The following ZNF732 variants were observed in gnomAD, a reference collection of about 807,000 sequenced individuals.
ZNF732 encodes the protein zinc finger protein LOC654254.
In ZNF732, 12 loss-of-function variants were observed where a neutral mutation model predicts 11.5. The ratio of observed to expected loss-of-function variants is 1.05; its 90% confidence interval spans 0.67 to 1.70. ZNF732 has a LOEUF of 1.70. Ranked by LOEUF, ZNF732 falls within the 40% of genes most tolerant of loss-of-function variation. ZNF732 has a pLI of 0.00. For synonymous variants in ZNF732, 231 were observed against 236.5 expected (o/e 0.98, Z 0.21); for missense variants, 702 against 676.9 (o/e 1.04, Z -0.41).
In ZNF732 at chr4:271,558, C is replaced by G. The variant is rs577455458; in HGVS notation, c.1299G>C (p.Leu433=). 2 of 1,611,552 alleles carry G rather than the reference C, an allele frequency of 1.2e-6. No individual in the cohort carries two copies. The highest frequency in any genetic ancestry group is 2.2e-5 in the South Asian group (2 of 90,426). Residue 433 remains leucine (L), a synonymous_variant, in exon 4 of 4, where the codon CTG becomes CTC. Transcript: ENST00000419098. ...CAGTATGAATTATCTTATGTTTATT[C>G]AGGTCTGTGGACCATCCAAAGGCTT... The part of the protein sequence containing the change: ...CGKAFGWSTD[L]NKHKIIHTGE...
At chr4:287,485 GA>G (rs1553840753) in intron 3 of ZNF732, among the ~76,000 whole-genome samples, 1 of 151,912 alleles carries the variant, frequency 6.6e-6, no homozygotes, top group East Asian at 1.9e-4. Flanking sequence ...AAAGTGCTAG[GA>G]TTACAGGCGT....
intron 3 of ZNF732, among the ~76,000 whole-genome samples, chr4:282,946 C>T (rs1719646743): frequency 1.3e-5 from 2 of 152,106 alleles, no homozygotes; most frequent in African/African-American, 4.8e-5. Context: ...AAGTTCTTAT[C>T]AATCAGTAAT....
intron 1 of ZNF732, among the ~76,000 whole-genome samples, chr4:303,697 G>C (rs1173585427): frequency 3.9e-5 from 6 of 152,210 alleles, no homozygotes; most frequent in African/African-American, 1.2e-4. Context: ...TCATTCTAAA[G>C]AGAGACCATT....
At chr4:280,243 C>CT (rs1332962255) in intron 3 of ZNF732, among the ~76,000 whole-genome samples, 4 of 143,106 alleles carry the variant, frequency 2.8e-5, no homozygotes, top group Non-Finnish European at 6.1e-5. Flanking sequence ...TGACTATGTA[C>CT]TTATGAAGAT....
chr4:280,110 GA>G (rs1195160507), intron 3 of ZNF732, among the ~76,000 whole-genome samples: 23 of 151,726 alleles, frequency 1.5e-4, no homozygotes, highest in African/African-American at 5.6e-4. Flanking sequence ...GAACCTACAT[GA>G]AAAAAGACTC....
rs1332495572 is a variant in ZNF732, at chr4:277,144, C to CA, written c.227-4515dup. 6.6e-5 allele frequency among the ~76,000 whole-genome samples: 10 copies of CA among 152,072 alleles called. No homozygotes were observed. The South Asian group carries it at 1.9e-3, about 28-fold the overall frequency. Reference sequence around the variant, plus strand: ...CCTACCTCTTACAATATAAAAAACTCAATCACAAATACAGATTTAAATGGG... The same window carrying CA: ...CCTACCTCTTACAATATAAAAAACTCAAATCACAAATACAGATTTAAATGGG... On this transcript the variant is annotated intron_variant, in intron 3 of 3. Transcript: ENST00000419098.
intron 3 of ZNF732, among the ~76,000 whole-genome samples, chr4:292,558 A>C (rs1221702996): frequency 1.3e-5 from 1 of 76,242 alleles, no homozygotes; most frequent in Non-Finnish European, 2.5e-5. Flanking sequence ...ACTCTGTCTC[A>C]AAAAAAAAAA....
At position 272,591 on chromosome 4, in the gene ZNF732, T is replaced by C. The variant is rs1553838040; in HGVS notation, c.266A>G (p.Gln89Arg). Reference protein sequence around the residue: ...SHFTQDFLPVQGIEDSFHKLI... With the variant: ...SHFTQDFLPVRGIEDSFHKLI... ...TTTGTGGAACGAATCTTCTATCCCC[T>C]GCACTGGCAAAAAGTCTTGGGTGAA... The change falls in exon 4 of 4, where the codon CAG (glutamine) becomes CGG (arginine). Residue 89 changes from glutamine to arginine, a missense_variant. Physicochemically the swap from Gln to Arg is conservative, Grantham distance 43. Transcript: ENST00000419098. 6 of 1,553,394 alleles carry C rather than the reference T, an allele frequency of 3.9e-6. No individual in the cohort carries two copies. The highest frequency in any genetic ancestry group is 4.3e-6 in the Non-Finnish European group (5 of 1,154,686).
intron 3 of ZNF732, among the ~76,000 whole-genome samples, chr4:288,560 T>C (rs1369810244): frequency 1.3e-5 from 2 of 152,180 alleles, no homozygotes; most frequent in Non-Finnish European, 2.9e-5. Context: ...ATATACATGA[T>C]GGTTAGTTTT....
At chr4:290,314 C>T (rs1719817722) in intron 3 of ZNF732, among the ~76,000 whole-genome samples, 1 of 152,202 alleles carries the variant, frequency 6.6e-6, no homozygotes, top group Non-Finnish European at 1.5e-5. Context: ...AGAGTTTGGT[C>T]TTACTGAGGA....
intron 3 of ZNF732, among the ~76,000 whole-genome samples, chr4:279,910 T>C (rs1719582335): frequency 6.6e-6 from 1 of 152,160 alleles, no homozygotes; most frequent in Admixed American, 6.5e-5. Context: ...GGGGCATTAT[T>C]TACACAGGCA....
rs17775145 is a variant in ZNF732 at position 270,769 on chromosome 4, G to A, written c.*330C>T. 26,812 of 493,754 alleles carry A rather than the reference G, an allele frequency of 0.054. 1,063 individuals are homozygous for A. The highest frequency in any genetic ancestry group is 0.077 in the Non-Finnish European group (19,919 of 259,856). The allele number at this position is 493,754 out of a possible 1,614,324, so 30.6% of individuals were successfully genotyped here. On this transcript the variant is annotated 3_prime_UTR_variant, in exon 4 of 4. Coordinates refer to ENST00000419098, the MANE Select transcript of ZNF732 (RefSeq NM_001137608.3). ...TTTCCCACATTCTTTACATTTGTAG[G>A]ATTCATCTCCCATATGAATTTTCTT...
At chr4:281,410 C>T (rs1317068157) in intron 3 of ZNF732, among the ~76,000 whole-genome samples, 1 of 152,214 alleles carries the variant, frequency 6.6e-6, no homozygotes, top group Non-Finnish European at 1.5e-5. Context: ...CCAAACACCT[C>T]GCAAGAGCGA....
Position 272,020 on chromosome 4 carries a change from T to C in ZNF732, c.837A>G (p.Thr279=), listed in dbSNP as rs781963451. Residue 279 remains threonine (T), a synonymous_variant, in exon 4 of 4, where the codon ACA becomes ACG. Coordinates refer to ENST00000419098, the MANE Select transcript of ZNF732 (RefSeq NM_001137608.3). ...KRIHAEEKPF[T]CEECGKIITS... is the part of the protein sequence containing the mutation. ...TAATGATTTTGCCACATTCTTCACA[T>C]GTGAAGGGTTTCTCTTCAGCATGAA... 3.7e-5 allele frequency: 60 copies of C among 1,610,028 alleles called. No individual in the cohort carries two copies. Among genetic ancestry groups the C allele is most frequent in the Non-Finnish European group, 4.9e-5 (58 of 1,177,976 alleles).
chr4:288,841 C>T (rs1560161461), intron 3 of ZNF732, among the ~76,000 whole-genome samples: 1 of 152,126 alleles, frequency 6.6e-6, no homozygotes, highest in East Asian at 1.9e-4. Context: ...ATCATGAGGT[C>T]AGGAGATTGA....
chr4:275,689 AAATT>A (rs782807551), intron 3 of ZNF732, among the ~76,000 whole-genome samples: 75 of 151,932 alleles, frequency 4.9e-4, no homozygotes, highest in South Asian at 8.3e-4. Context: ...CTCACTAAAT[AAATT>A]GAGAAATATA....
chr4:290,847 C>T (rs1215148594), intron 3 of ZNF732, among the ~76,000 whole-genome samples: 1 of 152,208 alleles, frequency 6.6e-6, no homozygotes, highest in Non-Finnish European at 1.5e-5. Flanking sequence ...CAACCCTTCT[C>T]TGCAAACCCA....
chr4:278,191 G>C lies in ZNF732; in HGVS notation c.227-5561C>G, dbSNP rs552840642. ...TAAACATTTATGAGGAAGGCTTTAT[G>C]CAACTAGTCTCAACAATAACTTTTT... On this transcript the variant is annotated intron_variant, in intron 3 of 3. Coordinates refer to ENST00000419098, the MANE Select transcript of ZNF732 (RefSeq NM_001137608.3). Among the ~76,000 whole-genome samples, 50 of 152,246 alleles carry C rather than the reference G, an allele frequency of 3.3e-4. 1 individual carries two copies. Among genetic ancestry groups the C allele is most frequent in the African/African-American group, 1.2e-3 (50 of 41,572 alleles).
At chr4:304,935 CTA>C (rs537783187) in intron 1 of ZNF732, among the ~76,000 whole-genome samples, 86 of 152,344 alleles carry the variant, frequency 5.6e-4, no homozygotes, top group Middle Eastern at 6.8e-3. Flanking sequence ...CACATGAACT[CTA>C]TGTTTTGATA....
Sources: allele counts gnomAD v4.1 joint callset (sites outside exome capture counted in the v4.1 genomes callset), GRCh38; gene constraint gnomAD v4.1.1; transcripts MANE v1.5; gene names NCBI Gene and HGNC (gene_info 2026-07-23, HGNC 2026-07-21).